Variants in AATF observed in about 807,000 individuals in gnomAD.
AATF encodes apoptosis antagonizing transcription factor.
Under a neutral mutation model 63.7 loss-of-function variants are expected in AATF, and 48 were observed. The ratio of observed to expected loss-of-function variants is 0.75; its 90% CI spans 0.60 to 0.96. The LOEUF (loss-of-function observed/expected upper bound fraction) is 0.96. Ranked by LOEUF, AATF falls within the 40% of genes least tolerant of loss-of-function variation. AATF has a pLI of 0.00. For synonymous variants in AATF, 258 were observed against 247.7 expected (o/e 1.04, Z -0.39); for missense variants, 639 against 685.7 (o/e 0.93, Z 0.76).
At chr17:36,985,422 G>A (rs1193158829) in intron 4 of AATF, among the ~76,000 whole-genome samples, 8 of 149,006 alleles carry the variant, frequency 5.4e-5, no homozygotes, top group Non-Finnish European at 1.2e-4. Flanking sequence ...CTACAGGTAC[G>A]CACCACCATG....
At chr17:36,978,774 A>G (rs2071098010) in intron 4 of AATF, among the ~76,000 whole-genome samples, 1 of 151,878 alleles carries the variant, frequency 6.6e-6, no homozygotes, top group Non-Finnish European at 1.5e-5. Context: ...AGGAATTTGT[A>G]ACCTGCAGTC....
At chr17:37,038,151 TG>T (rs1433881425) in intron 11 of AATF, among the ~76,000 whole-genome samples, 1 of 152,088 alleles carries the variant, frequency 6.6e-6, no homozygotes, top group African/African-American at 2.4e-5. Flanking sequence ...ATTCCAAAAA[TG>T]AAAATAAAAT....
At chr17:37,039,203 C>T (rs765164500) in intron 11 of AATF, among the ~76,000 whole-genome samples, 13 of 152,102 alleles carry the variant, frequency 8.5e-5, no homozygotes, top group Non-Finnish European at 1.2e-4. Flanking sequence ...GCTAATAACC[C>T]CTGAAATACC....
rs1467627521 is a variant in AATF at position 36,983,011 on chromosome 17, AT to A, written c.833-3598del. Among the ~76,000 whole-genome samples the A allele has an allele frequency of 2.6e-5, 4 of 151,742 alleles. No homozygotes were observed. In the East Asian group the frequency reaches 5.8e-4, roughly 22 times the overall value. ...TTATTTTAAAGTCCCTTCTGGGAAA[AT>A]TTTTTTTAGTGTTTCTTTTTTTTTA... On this transcript the variant is annotated intron_variant, in intron 4 of 11. Coordinates refer to ENST00000619387, the MANE Select transcript of AATF (RefSeq NM_012138.4).
chr17:37,050,249 A>C (rs910063359), intron 11 of AATF, among the ~76,000 whole-genome samples: 47 of 152,282 alleles, frequency 3.1e-4, no homozygotes, highest in African/African-American at 1.0e-3. Context: ...CCCCAAATGG[A>C]GTGGTTTGTC....
intron 7 of AATF, 32 bp downstream of exon 7, chr17:36,989,443 G>T: frequency 6.4e-7 from 1 of 1,554,220 alleles, no homozygotes; most frequent in East Asian, 2.3e-5. Context: ...GTGATTATGG[G>T]GAATAGTTTC....
rs372149757 is a variant in AATF, at chr17:36,953,022, A to G, written c.420A>G (p.Arg140=). The G allele has an allele frequency of 2.4e-5, 39 of 1,614,068 alleles. No homozygotes were observed. In the African/African-American group the frequency reaches 4.4e-4, roughly 18 times the overall value. The change falls in exon 3 of 12, where the codon AGA becomes AGG. Residue 140 remains arginine, a synonymous_variant. Transcript: ENST00000619387. ...ATCACAGGGAGAGCAAGAAGAGCAG[A>G]AGCCACTCTGCAAAAACACCGGGCT... The part of the protein sequence containing the change: ...CGDHRESKKS[R]SHSAKTPGFS...
At chr17:37,014,992 T>C (rs1443347011) in intron 8 of AATF, among the ~76,000 whole-genome samples, 7 of 152,176 alleles carry the variant, frequency 4.6e-5, no homozygotes, top group Non-Finnish European at 8.8e-5. Context: ...GGGATATTCA[T>C]TGTAAGTTTT....
chr17:36,950,118 G>A, intron 1 of AATF, 96 bp from the exon 2 acceptor site: 2 of 1,358,614 alleles, frequency 1.5e-6, no homozygotes, highest in Non-Finnish European at 2.0e-6. Flanking sequence ...ATTTCGTAAA[G>A]GACGTTCAAC....
intron 8 of AATF, among the ~76,000 whole-genome samples, chr17:36,992,092 G>C (rs370458266): frequency 1.1e-4 from 16 of 152,300 alleles, no homozygotes; most frequent in Middle Eastern, 3.4e-3. Flanking sequence ...CATGACTGCT[G>C]TACTGTGTAT....
In AATF at chr17:37,056,612, A is replaced by G. The variant is rs1373179525; in HGVS notation, c.1631A>G (p.Tyr544Cys). Residue 544 changes from tyrosine to cysteine, a missense_variant, in exon 12 of 12, where the codon TAC (tyrosine) becomes TGC (cysteine). By Grantham distance (194) the Tyr-to-Cys change is radical (BLOSUM62 -2). Transcript: ENST00000619387. The part of the protein sequence containing the change: ...TMNDDARTEL[Y>C]RSLFGQLHPP... ...TGTTTGTCTTTTAGGACAGAACTGT[A>G]CCGCTCTCTTTTTGGCCAGCTCCAC... 6 of 1,614,206 alleles carry G rather than the reference A, an allele frequency of 3.7e-6. No homozygotes were observed. The highest frequency in any genetic ancestry group is 3.3e-5 in the South Asian group (3 of 91,086).
At position 37,020,962 on chromosome 17, in the gene AATF, A is replaced by G. The variant is rs1164886232; in HGVS notation, c.1495A>G (p.Ser499Gly). The G allele has an allele frequency of 1.3e-5, 21 of 1,611,870 alleles. No individual in the cohort carries two copies. Among genetic ancestry groups the G allele is most frequent in the Non-Finnish European group, 1.8e-5 (21 of 1,179,006 alleles). Residue 499 changes from serine to glycine, a missense_variant, in exon 10 of 12, where the codon AGC becomes GGC. Physicochemically the swap from Ser to Gly is moderately conservative, Grantham distance 56 (BLOSUM62 0). Transcript: ENST00000619387. ...RQWLAIQKLR[S>G]KIHKKVDRKA... is the part of the protein sequence containing the mutation. ...GTGGCTTGCAATCCAGAAGTTACGA[A>G]GCAAAATCCACAAAAAAGTAGATAG...
At chr17:36,986,308 G>A (rs554841601) in intron 4 of AATF, among the ~76,000 whole-genome samples, 156 of 152,280 alleles carry the variant, frequency 1.0e-3, no homozygotes, top group South Asian at 2.1e-3. Flanking sequence ...ATGAGAGGCC[G>A]GGGAGGAGTT....
chr17:37,004,322 ACT>A (rs1338752001), intron 8 of AATF, among the ~76,000 whole-genome samples: 4 of 152,078 alleles, frequency 2.6e-5, no homozygotes, highest in Non-Finnish European at 5.9e-5. Context: ...CAAGAGCTAA[ACT>A]CTGAAAAAAA....
rs772058410 is a variant in AATF at position 36,953,881 on chromosome 17, C to T, written c.806C>T (p.Pro269Leu). 17 of 1,613,862 alleles carry T rather than the reference C, an allele frequency of 1.1e-5. No homozygotes were observed. Among genetic ancestry groups the T allele is most frequent in the Admixed American group, 1.7e-5 (1 of 59,960 alleles). ...VFPLFKDKGG[P>L]EFSSALKNSH... ...CCATTGTTCAAGGACAAAGGTGGCC[C>T]AGAATTTTCCAGTGCCCTGAAAAAT... Residue 269 changes from proline (P) to leucine (L), a missense_variant, in exon 4 of 12, where the codon CCA becomes CTA. Pro to Leu is a moderately conservative substitution (Grantham distance 98). Coordinates refer to ENST00000619387, the MANE Select transcript of AATF (RefSeq NM_012138.4).
intron 8 of AATF, among the ~76,000 whole-genome samples, chr17:37,009,823 CAAAAAAAAAAAAA>C (rs1160362372): frequency 2.1e-4 from 6 of 28,778 alleles, no homozygotes; most frequent in Non-Finnish European, 4.4e-4. Context: ...GACTCCGTCT[CAAAAAAAAAAAAA>C]AAAAAAAAAA....
At chr17:37,046,845 C>T (rs947062746) in intron 11 of AATF, among the ~76,000 whole-genome samples, 5 of 151,916 alleles carry the variant, frequency 3.3e-5, no homozygotes, top group African/African-American at 1.2e-4. Context: ...TCAGTCTCAC[C>T]TTCTGTGCGG....
At chr17:37,011,452 G>A (rs2071390131) in intron 8 of AATF, among the ~76,000 whole-genome samples, 1 of 152,186 alleles carries the variant, frequency 6.6e-6, no homozygotes, top group Non-Finnish European at 1.5e-5. Context: ...ATGGAGAAAA[G>A]TGGACAAATT....
chr17:36,966,731 G>C (rs1328609099), intron 4 of AATF, among the ~76,000 whole-genome samples: 1 of 152,158 alleles, frequency 6.6e-6, no homozygotes, highest in Non-Finnish European at 1.5e-5. Context: ...GTCTCAACCA[G>C]ATGTTTTGTT....
Sources: gnomAD v4.1 joint callset for allele counts (sites outside exome capture counted in the v4.1 genomes callset) on GRCh38, gnomAD v4.1.1 for gene constraint, MANE v1.5 for transcripts, NCBI Gene and HGNC (gene_info 2026-07-23, HGNC 2026-07-21) for gene names.